The following TSHZ2 variants were observed in gnomAD, a reference collection of about 807,000 sequenced individuals.
TSHZ2 encodes teashirt homolog 2.
A neutral mutation model predicts 74.4 loss-of-function variants in TSHZ2; 21 were observed. That is an observed-to-expected ratio of 0.28 (90% CI 0.20 to 0.41). The LOEUF is 0.41. Among genes scored for constraint, TSHZ2 ranks in the 10% least tolerant of loss-of-function variants. The pLI is 1.00. For missense variants in TSHZ2, 1,244 were observed against 1,293.5 expected, an observed-to-expected ratio of 0.96 and a Z score of 0.59; for synonymous variants, 540 against 515.3, an observed-to-expected ratio of 1.05 and a Z score of -0.65.
intron 1 of TSHZ2, among the ~76,000 whole-genome samples, chr20:53,094,550 T>C (rs1055403319): frequency 6.6e-6 from 1 of 152,154 alleles, no homozygotes; most frequent in African/African-American, 2.4e-5. Flanking sequence ...TTTTGGGAAG[T>C]GCGATTTTCA....
At chr20:52,977,461 C>T (rs1435778989) in intron 1 of TSHZ2, among the ~76,000 whole-genome samples, 1 of 144,446 alleles carries the variant, frequency 6.9e-6, no homozygotes, top group Admixed American at 6.9e-5. Flanking sequence ...CACACACACA[C>T]ACACACACGC....
intron 2 of TSHZ2, among the ~76,000 whole-genome samples, chr20:53,406,519 A>T (rs1982858940): frequency 6.6e-6 from 1 of 152,104 alleles, no homozygotes. Context: ...CTGTGCCAGG[A>T]CACAGGTAGA....
At chr20:53,357,123 G>A (rs16997979) in intron 2 of TSHZ2, among the ~76,000 whole-genome samples, 14 of 152,056 alleles carry the variant, frequency 9.2e-5, no homozygotes, top group South Asian at 4.2e-4. Context: ...CTCATTTTCC[G>A]CTAGTTTGCA....
chr20:53,280,302 C>A (rs1568849790), intron 2 of TSHZ2, among the ~76,000 whole-genome samples: 1 of 152,196 alleles, frequency 6.6e-6, no homozygotes, highest in African/African-American at 2.4e-5. Context: ...TCCTCACTAG[C>A]AATCCTTTTT....
intron 1 of TSHZ2, among the ~76,000 whole-genome samples, chr20:53,144,509 C>A (rs1251415361): frequency 2.0e-5 from 3 of 152,164 alleles, no homozygotes; most frequent in African/African-American, 7.2e-5. Context: ...GTAATAACAG[C>A]AAACGCTTAT....
At chr20:53,367,707 A>G (rs1981318810) in intron 2 of TSHZ2, among the ~76,000 whole-genome samples, 2 of 151,910 alleles carry the variant, frequency 1.3e-5, no homozygotes, top group Admixed American at 6.6e-5. Flanking sequence ...AGGAGCTGGG[A>G]CTACAGGCGC....
chr20:53,090,622 GAGCAGCTGAC>G (rs757802225), intron 1 of TSHZ2, among the ~76,000 whole-genome samples: 15 of 152,206 alleles, frequency 9.9e-5, no homozygotes, highest in Non-Finnish European at 1.8e-4. Context: ...TGCCAAAATG[GAGCAGCTGAC>G]AGCAGCTTGC....
chr20:53,375,829 A>G (rs996173959), intron 2 of TSHZ2, among the ~76,000 whole-genome samples: 10 of 152,210 alleles, frequency 6.6e-5, no homozygotes, highest in Non-Finnish European at 1.0e-4. Context: ...CCTCATTACC[A>G]AAAGGATTTG....
rs139483250 is a variant in TSHZ2, at chr20:53,315,737, G to A, written c.*8+59166G>A. 4.9e-3 allele frequency among the ~76,000 whole-genome samples: 746 copies of A among 152,260 alleles called. 4 individuals are homozygous for A. Among genetic ancestry groups the A allele is most frequent in the Middle Eastern group, 0.02 (6 of 294 alleles). ...AAGATAGACATCACGGCGCTCTCAT[G>A]GAGCTGATGTTCTAGCATGGAAAAC... On this transcript the variant is annotated intron_variant, in intron 2 of 2. Coordinates refer to ENST00000371497, the MANE Select transcript of TSHZ2 (RefSeq NM_173485.6).
intron 2 of TSHZ2, among the ~76,000 whole-genome samples, chr20:53,270,227 T>G (rs1990806903): frequency 6.6e-6 from 1 of 152,106 alleles, no homozygotes; most frequent in Non-Finnish European, 1.5e-5. Flanking sequence ...CTACTCTGCT[T>G]GCACACACAG....
Position 53,008,980 on chromosome 20 carries a change from C to CCTCTCTCT in TSHZ2, c.40+35691_40+35698dup, listed in dbSNP as rs55692015. On this transcript the variant is annotated intron_variant, in intron 1 of 2. Transcript: ENST00000371497. ...GAAGTTATTTGAATGTTGTCTTTCT[C>CCTCTCTCT]CTCTCTCTCTCTCTCTCTCTCTCTC... is the stretch of plus-strand genomic sequence containing the variant. Among the ~76,000 whole-genome samples the CCTCTCTCT allele has an allele frequency of 5.8e-3, 759 of 130,396 alleles. 15 individuals are homozygous for CCTCTCTCT. Among genetic ancestry groups the CCTCTCTCT allele is most frequent in the African/African-American group, 0.013 (425 of 31,806 alleles). The allele number at this position is 130,396 out of a possible 152,430, so 85.5% of individuals were successfully genotyped here.
chr20:52,990,036 T>C (rs1289656178), intron 1 of TSHZ2, among the ~76,000 whole-genome samples: 1 of 152,066 alleles, frequency 6.6e-6, no homozygotes, highest in African/African-American at 2.4e-5. Context: ...TATTCATTTA[T>C]CGGTTCCTCT....
intron 1 of TSHZ2, among the ~76,000 whole-genome samples, chr20:53,043,863 A>C (rs995557131): frequency 2.0e-5 from 3 of 152,212 alleles, no homozygotes. Flanking sequence ...AAACAAATTT[A>C]ATAGTTTCTG....
intron 2 of TSHZ2, among the ~76,000 whole-genome samples, chr20:53,409,469 A>T (rs115425471): frequency 9.9e-4 from 151 of 152,254 alleles, no homozygotes; most frequent in African/African-American, 3.4e-3. Context: ...TACCAAAAAA[A>T]AAAAGTGTCT....
At chr20:53,363,194 C>G (rs1333669542) in intron 2 of TSHZ2, among the ~76,000 whole-genome samples, 1 of 152,248 alleles carries the variant, frequency 6.6e-6, no homozygotes, top group African/African-American at 2.4e-5. Flanking sequence ...GATCTCACAT[C>G]CTGGATTGGC....
chr20:53,188,412 C>G (rs1187071726), intron 1 of TSHZ2, among the ~76,000 whole-genome samples: 1 of 152,186 alleles, frequency 6.6e-6, no homozygotes, highest in Non-Finnish European at 1.5e-5. Flanking sequence ...ACTAGAGATA[C>G]AAGGCAATGC....
At chr20:53,084,469 G>T (rs571750131) in intron 1 of TSHZ2, among the ~76,000 whole-genome samples, 2 of 152,300 alleles carry the variant, frequency 1.3e-5, no homozygotes, top group Admixed American at 6.5e-5. Flanking sequence ...GAGGACAAAT[G>T]ACAAATTTGT....
chr20:53,272,514 A>G (rs1259817693), intron 2 of TSHZ2, among the ~76,000 whole-genome samples: 2 of 152,182 alleles, frequency 1.3e-5, no homozygotes, highest in Non-Finnish European at 2.9e-5. Context: ...AAGTGATTAT[A>G]CTTCCTTTTG....
In TSHZ2 at chr20:53,292,447, A is replaced by ATTTTT. The variant is rs149635565; in HGVS notation, c.*8+35890_*8+35894dup. On this transcript the variant is annotated intron_variant, in intron 2 of 2. Coordinates refer to ENST00000371497, the MANE Select transcript of TSHZ2 (RefSeq NM_173485.6). ...GCCAGTAAATGCACACAAACCACCT[A>ATTTTT]TTTTTTTTTTTTTTTTTTGAGACAG... 6.4e-4 allele frequency among the ~76,000 whole-genome samples: 91 copies of ATTTTT among 141,418 alleles called. 1 individual carries two copies. The highest frequency in any genetic ancestry group is 2.3e-3 in the African/African-American group (91 of 38,832). 92.8% of individuals were successfully genotyped at this position (141,418 alleles called of 152,430 possible). A position where few individuals can be genotyped will look rare whatever the true frequency, so the allele number is the denominator to read the frequency against.
Sources: gnomAD v4.1 joint callset for allele counts (sites outside exome capture counted in the v4.1 genomes callset) on GRCh38, gnomAD v4.1.1 for gene constraint, MANE v1.5 for transcripts, NCBI Gene and HGNC (gene_info 2026-07-23, HGNC 2026-07-21) for gene names.